Variants in CLASP2 observed in about 807,000 individuals in gnomAD.
CLASP2 encodes CLIP-associating protein 2.
Under a neutral mutation model 194.4 loss-of-function variants are expected in CLASP2, and 47 were observed. That is an observed-to-expected ratio of 0.24 (90% CI 0.19 to 0.31). The LOEUF (loss-of-function observed/expected upper bound fraction) is 0.31. Ranked by LOEUF, CLASP2 falls within the 10% of genes least tolerant of loss-of-function variation. The pLI is 1.00. For synonymous variants in CLASP2, 619 were observed against 633.5 expected (o/e 0.98, Z 0.34); for missense variants, 1,445 against 1,823.6 (o/e 0.79, Z 3.78).
intron 12 of CLASP2, among the ~76,000 whole-genome samples, chr3:33,612,382 G>A (rs1559378539): frequency 1.3e-5 from 2 of 152,156 alleles, no homozygotes; most frequent in Non-Finnish European, 2.9e-5. Context: ...GACTGGGCAT[G>A]TACTGGCCAC....
At chr3:33,546,524 G>A (rs978796625) in intron 30 of CLASP2, among the ~76,000 whole-genome samples, 1 of 152,120 alleles carries the variant, frequency 6.6e-6, no homozygotes, top group Non-Finnish European at 1.5e-5. Context: ...TAAAAAACCA[G>A]TTTTACAAAA....
In CLASP2 at chr3:33,498,365, T is replaced by C. The variant is rs1028427738; in HGVS notation, c.*266A>G. 3.3e-6 allele frequency: 1 copy of C among 306,712 alleles called. No homozygotes were observed. Among genetic ancestry groups the C allele is most frequent in the Admixed American group, 4.8e-5 (1 of 20,958 alleles). 19.0% of individuals were successfully genotyped at this position (306,712 alleles called of 1,614,324 possible). On this transcript the variant is annotated 3_prime_UTR_variant, in exon 39 of 39. Coordinates refer to ENST00000682230, the MANE Select transcript of CLASP2 (RefSeq NM_001365631.1). ...GAAGACAAAGTACAAACATGTGAAA[T>C]GATGAATTAAATTAAAAATTACTTT...
chr3:33,498,765 T>G (rs2046134061), intron 38 of CLASP2, 48 bp from the exon 39 acceptor site: 1 of 1,205,712 alleles, frequency 8.3e-7, no homozygotes, highest in Admixed American at 1.7e-5. Flanking sequence ...CTGCTCCAAA[T>G]TATAAGATAC....
intron 24 of CLASP2, among the ~76,000 whole-genome samples, chr3:33,573,669 A>G (rs952147983): frequency 6.6e-6 from 1 of 152,206 alleles, no homozygotes; most frequent in Non-Finnish European, 1.5e-5. Context: ...AAAAACCAAG[A>G]ACTACTAGAA....
intron 21 of CLASP2, among the ~76,000 whole-genome samples, chr3:33,586,024 T>C (rs2067275250): frequency 6.6e-6 from 1 of 152,180 alleles, no homozygotes; most frequent in African/African-American, 2.4e-5. Context: ...TTTTGCTATT[T>C]GTCTTCAAAT....
At chr3:33,505,938 G>T (rs980983864) in intron 37 of CLASP2, among the ~76,000 whole-genome samples, 1 of 151,884 alleles carries the variant, frequency 6.6e-6, no homozygotes, top group African/African-American at 2.4e-5. Context: ...AAAACAAACA[G>T]GAAATTAAGC....
At chr3:33,705,674 C>G (rs575199264) in intron 1 of CLASP2, among the ~76,000 whole-genome samples, 1 of 152,042 alleles carries the variant, frequency 6.6e-6, no homozygotes, top group South Asian at 2.1e-4. Context: ...GGAATCTATC[C>G]CCAAGATATA....
At chr3:33,662,430 C>T (rs2085450106) in intron 7 of CLASP2, among the ~76,000 whole-genome samples, 1 of 152,178 alleles carries the variant, frequency 6.6e-6, no homozygotes, top group South Asian at 2.1e-4. Context: ...AAAACACTTT[C>T]TATTCAGAGA....
chr3:33,639,947 T>C (rs1182807940), intron 8 of CLASP2, among the ~76,000 whole-genome samples: 1 of 152,228 alleles, frequency 6.6e-6, no homozygotes, highest in Non-Finnish European at 1.5e-5. Flanking sequence ...ATTAGATGGT[T>C]ACTAATAACC....
chr3:33,505,753 C>A (rs1418032508), intron 37 of CLASP2, among the ~76,000 whole-genome samples: 1 of 152,246 alleles, frequency 6.6e-6, no homozygotes, highest in East Asian at 1.9e-4. Context: ...CAATGAGATG[C>A]CACCTAAAAA....
intron 8 of CLASP2, among the ~76,000 whole-genome samples, chr3:33,635,519 A>G (rs897771587): frequency 6.6e-6 from 1 of 152,224 alleles, no homozygotes; most frequent in African/African-American, 2.4e-5. Flanking sequence ...CAAAGCTGAA[A>G]TAACTAGGAG....
intron 25 of CLASP2, among the ~76,000 whole-genome samples, chr3:33,572,517 G>C (rs1321684451): frequency 6.6e-6 from 1 of 151,996 alleles, no homozygotes; most frequent in Admixed American, 6.6e-5. Context: ...ATTCTCAAAG[G>C]GGTCAACTAT....
At chr3:33,658,163 T>C (rs1235812361) in intron 7 of CLASP2, among the ~76,000 whole-genome samples, 1 of 152,174 alleles carries the variant, frequency 6.6e-6, no homozygotes, top group Non-Finnish European at 1.5e-5. Flanking sequence ...TTTGGGACCC[T>C]AGATTTGGTA....
At chr3:33,609,738 T>C (rs2074695211) in intron 13 of CLASP2, among the ~76,000 whole-genome samples, 2 of 152,216 alleles carry the variant, frequency 1.3e-5, no homozygotes, top group South Asian at 2.1e-4. Context: ...TCTCCAGCAT[T>C]GATGTATCAC....
At chr3:33,715,885 G>T (rs2093274353) in intron 1 of CLASP2, among the ~76,000 whole-genome samples, 1 of 136,024 alleles carries the variant, frequency 7.4e-6, no homozygotes, top group Non-Finnish European at 1.6e-5. Flanking sequence ...AGATTACCCA[G>T]TTGGGTAACT....
At chr3:33,570,928 C>G in intron 25 of CLASP2, 138 bp from the exon 26 acceptor site, 1 of 722,012 alleles carries the variant, frequency 1.4e-6, no homozygotes, top group Non-Finnish European at 2.1e-6. Context: ...ATAATCCTAG[C>G]ATTTTGGGAG....
Position 33,511,767 on chromosome 3 carries a change from A to C in CLASP2, c.4111-1003T>G, listed in dbSNP as rs867517995. 1.2e-4 allele frequency among the ~76,000 whole-genome samples: 15 copies of C among 125,408 alleles called. 3 individuals are homozygous for C. The Middle Eastern group carries it at 0.017, about 138-fold the overall frequency. The allele number at this position is 125,408 out of a possible 152,430, so 82.3% of individuals were successfully genotyped here. A position where few individuals can be genotyped will look rare whatever the true frequency, so the allele number is the denominator to read the frequency against. ...CGAAGGACATGAACAGACACTTCTC[A>C]AAAGAAGACATTTATGCAGCCAAAA... On this transcript the variant is annotated intron_variant, in intron 36 of 38. Coordinates refer to ENST00000682230, the MANE Select transcript of CLASP2 (RefSeq NM_001365631.1).
chr3:33,553,208 A>G (rs1401748905), intron 29 of CLASP2, among the ~76,000 whole-genome samples: 1 of 152,208 alleles, frequency 6.6e-6, no homozygotes, highest in Non-Finnish European at 1.5e-5. Flanking sequence ...ATATTAAAAT[A>G]AGGTTCTGAC....
chr3:33,613,129 T>C (rs990158607), intron 12 of CLASP2, among the ~76,000 whole-genome samples: 9 of 152,190 alleles, frequency 5.9e-5, no homozygotes, highest in Admixed American at 5.9e-4. Flanking sequence ...AAATATCACA[T>C]GTACCCCCAA....
Sources: allele counts gnomAD v4.1 joint callset (sites outside exome capture counted in the v4.1 genomes callset), GRCh38; gene constraint gnomAD v4.1.1; transcripts MANE v1.5; gene names NCBI Gene and HGNC (gene_info 2026-07-23, HGNC 2026-07-21).